Variants in ARL1 observed in about 807,000 individuals in gnomAD.
ARL1 encodes the protein ADP-ribosylation factor-like protein 1.
In ARL1, 17 loss-of-function variants were observed where a neutral mutation model predicts 30.1. That is an observed-to-expected ratio of 0.56 (90% confidence interval 0.39 to 0.85). ARL1 has a LOEUF of 0.85. ARL1 is among the 40% of genes least tolerant of loss of function. ARL1 has a pLI of 0.00. For synonymous variants in ARL1, 58 were observed against 71.7 expected, an observed-to-expected ratio of 0.81 and a Z score of 0.97; for missense variants, 102 against 212.6, an observed-to-expected ratio of 0.48 and a Z score of 3.24.
chr12:101,396,300 A>G (rs1871149147), intron 5 of ARL1, 99 bp downstream of exon 5: 1 of 1,481,304 alleles, frequency 6.8e-7, no homozygotes, highest in African/African-American at 1.4e-5. Context: ...TAAGTAAATC[A>G]AAGTTTCATC....
Position 101,393,521 on chromosome 12 carries a change from T to G in ARL1, c.*2119A>C, listed in dbSNP as rs184604864. On this transcript the variant is annotated 3_prime_UTR_variant, in exon 6 of 6. Transcript: ENST00000261636. ...CATAAAACAATATTCAGATTTGCCATGTATATATCAATATCCAAACGCTGG... is the reference window on the plus strand; with the variant it reads ...CATAAAACAATATTCAGATTTGCCAGGTATATATCAATATCCAAACGCTGG... 7 of 152,344 alleles carry G rather than the reference T, an allele frequency of 4.6e-5. No homozygotes were observed. The highest frequency in any genetic ancestry group is 4.1e-4 in the South Asian group (2 of 4,830). The allele number at this position is 152,344 out of a possible 1,614,324, so 9.4% of individuals were successfully genotyped here. A position where few individuals can be genotyped will look rare whatever the true frequency, so the allele number is the denominator to read the frequency against.
At chr12:101,403,347 G>GA (rs1490231008) in intron 2 of ARL1, 1 of 349,496 alleles carries the variant, frequency 2.9e-6, no homozygotes, top group Non-Finnish European at 5.5e-6. Context: ...TAGCTCAATG[G>GA]AAATCCTATT....
intron 4 of ARL1, among the ~76,000 whole-genome samples, chr12:101,398,873 T>G (rs1397866129): frequency 6.6e-6 from 1 of 152,162 alleles, no homozygotes; most frequent in African/African-American, 2.4e-5. Flanking sequence ...CTGTAAGACT[T>G]TATAAGTCAA....
chr12:101,403,046 T>C (rs1593466929), intron 2 of ARL1, 100 bp from the exon 3 acceptor site: 1 of 612,072 alleles, frequency 1.6e-6, no homozygotes, highest in Middle Eastern at 3.1e-4. Flanking sequence ...TAACTGTTAT[T>C]AGAGTTTAAA....
intron 1 of ARL1, among the ~76,000 whole-genome samples, chr12:101,406,465 AAAC>A (rs1484296694): frequency 2.0e-5 from 3 of 152,202 alleles, no homozygotes; most frequent in African/African-American, 7.2e-5. Flanking sequence ...AAAAAGCTGA[AAAC>A]AATAACTATT....
chr12:101,400,215 G>A (rs1009471938), intron 4 of ARL1: 5 of 151,902 alleles, frequency 3.3e-5, no homozygotes, highest in African/African-American at 9.7e-5. Context: ...TTACAGGCGT[G>A]AGCCACCACG....
At chr12:101,397,496 C>A in intron 4 of ARL1, among the ~76,000 whole-genome samples, 1 of 145,072 alleles carries the variant, frequency 6.9e-6, no homozygotes, top group Admixed American at 6.9e-5. Flanking sequence ...GACCCTGTCT[C>A]TTTTTTTTTT....
In ARL1 at chr12:101,393,810, A is replaced by C. The variant is rs1377712176; in HGVS notation, c.*1830T>G. Reference sequence around the variant, plus strand: ...GGGAGGCAGCTGTACAAGCTTTATAAGCCTCAGGCTGTAAGTGAACTTGCT... The same window carrying C: ...GGGAGGCAGCTGTACAAGCTTTATACGCCTCAGGCTGTAAGTGAACTTGCT... On this transcript the variant is annotated 3_prime_UTR_variant, in exon 6 of 6. Transcript: ENST00000261636. 1 of 152,144 alleles carries C rather than the reference A, an allele frequency of 6.6e-6. No homozygotes were observed. The highest frequency in any genetic ancestry group is 1.5e-5 in the Non-Finnish European group (1 of 68,032). 9.4% of individuals were successfully genotyped at this position (152,144 alleles called of 1,614,324 possible). A position where few individuals can be genotyped will look rare whatever the true frequency, so the allele number is the denominator to read the frequency against.
At chr12:101,404,269 T>C (rs980415654) in intron 2 of ARL1, among the ~76,000 whole-genome samples, 3 of 152,088 alleles carry the variant, frequency 2.0e-5, no homozygotes, top group African/African-American at 7.2e-5. Context: ...CCCAACACTT[T>C]GGGAGGCTGA....
chr12:101,399,480 C>T (rs1340754526), intron 4 of ARL1, among the ~76,000 whole-genome samples: 2 of 140,824 alleles, frequency 1.4e-5, no homozygotes, highest in East Asian at 4.1e-4. Flanking sequence ...CCACTCACTC[C>T]AGCCTGGGCG....
chr12:101,395,566 T>C lies in ARL1; in HGVS notation c.*74A>G. The C allele has an allele frequency of 8.3e-7, 1 of 1,209,912 alleles. No individual in the cohort carries two copies. 74.9% of individuals were successfully genotyped at this position (1,209,912 alleles called of 1,614,324 possible). On this transcript the variant is annotated 3_prime_UTR_variant, in exon 6 of 6. Transcript: ENST00000261636. ...CATATAGTTTTAACATCTAGTAGTG[T>C]GAAGTACACTTGACTGTTTCCAAAG... is the stretch of plus-strand genomic sequence containing the variant.
chr12:101,398,868 A>C (rs1244981493), intron 4 of ARL1, among the ~76,000 whole-genome samples: 1 of 152,210 alleles, frequency 6.6e-6, no homozygotes, highest in Non-Finnish European at 1.5e-5. Flanking sequence ...TTTCTCTGTA[A>C]GACTTTATAA....
intron 4 of ARL1, among the ~76,000 whole-genome samples, chr12:101,396,817 C>T (rs1188009048): frequency 6.6e-6 from 1 of 152,104 alleles, no homozygotes; most frequent in Admixed American, 6.5e-5. Flanking sequence ...TTTGCAGATA[C>T]TTCAGAGTTT....
intron 5 of ARL1, 30 bp downstream of exon 5, chr12:101,396,369 A>G (rs1318831042): frequency 1.2e-6 from 2 of 1,613,712 alleles, no homozygotes; most frequent in East Asian, 2.2e-5. Flanking sequence ...ACACAAATGC[A>G]CAGATGGCTT....
chr12:101,400,982 C>G, intron 4 of ARL1, 80 bp downstream of exon 4: 1 of 948,986 alleles, frequency 1.1e-6, no homozygotes, highest in South Asian at 1.5e-5. Context: ...GGAACAACCC[C>G]TGCATTCTTT....
rs1030025050 is a variant in ARL1 at position 101,393,597 on chromosome 12, A to T, written c.*2043T>A. 7.2e-5 allele frequency: 11 copies of T among 152,220 alleles called. No homozygotes were observed. The highest frequency in any genetic ancestry group is 2.4e-4 in the African/African-American group (10 of 41,438). The allele number at this position is 152,220 out of a possible 1,614,324, so 9.4% of individuals were successfully genotyped here. A position where few individuals can be genotyped will look rare whatever the true frequency, so the allele number is the denominator to read the frequency against. On this transcript the variant is annotated 3_prime_UTR_variant, in exon 6 of 6. Coordinates refer to ENST00000261636, the MANE Select transcript of ARL1 (RefSeq NM_001177.6). Reference sequence around the variant, plus strand: ...GCTAGACAAGGACCATATAATTTATAGCTTATTTAAGTGTCCACTTTCTTT... The same window carrying T: ...GCTAGACAAGGACCATATAATTTATTGCTTATTTAAGTGTCCACTTTCTTT...
chr12:101,404,242 T>A (rs915683287), intron 2 of ARL1, among the ~76,000 whole-genome samples: 2 of 151,668 alleles, frequency 1.3e-5, no homozygotes, highest in Non-Finnish European at 2.9e-5. Context: ...CTGGGTGCAG[T>A]GGCTCATGCC....
At chr12:101,405,644 A>C (rs972621854) in intron 2 of ARL1, 200 bp downstream of exon 2, 1 of 371,786 alleles carries the variant, frequency 2.7e-6, no homozygotes, top group East Asian at 4.1e-5. Context: ...GGCCTGGCAT[A>C]GTGGCTCATG....
At chr12:101,406,048 A>C in intron 1 of ARL1, 67 bp from the exon 2 acceptor site, 1 of 1,305,848 alleles carries the variant, frequency 7.7e-7, no homozygotes, top group African/African-American at 1.5e-5. Context: ...AAAACATCTA[A>C]CCTTGTCCTT....
Sources: allele counts gnomAD v4.1 joint callset (sites outside exome capture counted in the v4.1 genomes callset), GRCh38; gene constraint gnomAD v4.1.1; transcripts MANE v1.5; gene names NCBI Gene and HGNC (gene_info 2026-07-23, HGNC 2026-07-21).